SPIN1: variants seen among roughly 807,000 people sequenced by gnomAD.
The protein encoded by SPIN1 is spindlin-1.
In SPIN1, 3 loss-of-function variants were observed where a neutral mutation model predicts 26.0. The ratio of observed to expected loss-of-function variants is 0.12; its 90% confidence interval spans 0.05 to 0.30. The LOEUF is 0.30. SPIN1 is among the 10% of genes least tolerant of loss of function. The pLI is 1.00. For synonymous variants in SPIN1, 101 were observed against 116.5 expected (o/e 0.87, Z 0.86); for missense variants, 126 against 333.4 (o/e 0.38, Z 4.84).
rs1828922082 is a variant in SPIN1 at position 88,478,250 on chromosome 9, T to G, written c.*2973T>G. 6.5e-6 allele frequency: 1 copy of G among 152,690 alleles called. No homozygotes were observed. The highest frequency in any genetic ancestry group is 1.5e-5 in the Non-Finnish European group (1 of 68,046). The allele number at this position is 152,690 out of a possible 1,614,324, so 9.5% of individuals were successfully genotyped here. A position where few individuals can be genotyped will look rare whatever the true frequency, so the allele number is the denominator to read the frequency against. The stretch of plus-strand genomic sequence containing the variant: ...GCATTGGGCTTCAATCTCTGAACAC[T>G]GTAGACCCATTAGAAGACTGTTCCG... On this transcript the variant is annotated 3_prime_UTR_variant, in exon 6 of 6. Coordinates refer to ENST00000375859, the MANE Select transcript of SPIN1 (RefSeq NM_006717.3).
At chr9:88,396,989 G>A (rs1827078746) in intron 1 of SPIN1, among the ~76,000 whole-genome samples, 2 of 152,054 alleles carry the variant, frequency 1.3e-5, no homozygotes. Flanking sequence ...GTAGGGCACT[G>A]AACCATGAAT....
chr9:88,425,681 A>T (rs1827750676), intron 1 of SPIN1, among the ~76,000 whole-genome samples: 1 of 152,036 alleles, frequency 6.6e-6, no homozygotes, highest in South Asian at 2.1e-4. Flanking sequence ...CTCAAAAAAA[A>T]AAAAAAAAGA....
intron 3 of SPIN1, among the ~76,000 whole-genome samples, chr9:88,458,949 A>G (rs1211869516): frequency 6.6e-6 from 1 of 152,224 alleles, no homozygotes; most frequent in African/African-American, 2.4e-5. Context: ...CAGCTAAAAA[A>G]TGCTTTCACA....
chr9:88,437,705 A>G (rs183064623), intron 2 of SPIN1, among the ~76,000 whole-genome samples: 2 of 152,204 alleles, frequency 1.3e-5, no homozygotes, highest in East Asian at 1.9e-4. Context: ...TCCACAAGCA[A>G]CTAGCTTTTG....
At chr9:88,468,842 A>G (rs1287727119) in intron 5 of SPIN1, among the ~76,000 whole-genome samples, 3 of 152,194 alleles carry the variant, frequency 2.0e-5, no homozygotes, top group Non-Finnish European at 2.9e-5. Flanking sequence ...TTGTTTTATA[A>G]TTATTAACAC....
chr9:88,397,570 A>G (rs973093730), intron 1 of SPIN1, among the ~76,000 whole-genome samples: 2 of 151,654 alleles, frequency 1.3e-5, no homozygotes, highest in Admixed American at 6.6e-5. Flanking sequence ...CATAAGATAA[A>G]GAGATTGGAC....
At chr9:88,440,048 A>G (rs551350971) in intron 2 of SPIN1, among the ~76,000 whole-genome samples, 29 of 151,452 alleles carry the variant, frequency 1.9e-4, no homozygotes, top group Middle Eastern at 6.8e-3. Flanking sequence ...TCTTTTTTCC[A>G]GTTTTTGCTT....
At chr9:88,432,518 T>C (rs1185130910) in intron 2 of SPIN1, among the ~76,000 whole-genome samples, 1 of 150,722 alleles carries the variant, frequency 6.6e-6, no homozygotes, top group Non-Finnish European at 1.5e-5. Context: ...AGAGTCTTGC[T>C]CTGTCACCCA....
At chr9:88,457,118 G>A (rs1828487853) in intron 3 of SPIN1, among the ~76,000 whole-genome samples, 1 of 152,170 alleles carries the variant, frequency 6.6e-6, no homozygotes, top group East Asian at 1.9e-4. Flanking sequence ...AAAGCGGGTG[G>A]AGGAGGAGAA....
intron 2 of SPIN1, among the ~76,000 whole-genome samples, chr9:88,436,748 CTG>C (rs1324884995): frequency 2.1e-5 from 3 of 140,262 alleles, no homozygotes; most frequent in Non-Finnish European, 4.6e-5. Flanking sequence ...TAAATTTCCT[CTG>C]TGTCTTTTTT....
intron 4 of SPIN1, among the ~76,000 whole-genome samples, chr9:88,467,067 T>G (rs1489401793): frequency 6.6e-6 from 1 of 151,986 alleles, no homozygotes; most frequent in Non-Finnish European, 1.5e-5. Context: ...TTGTTTGTTT[T>G]TTAAAGATAA....
intron 2 of SPIN1, among the ~76,000 whole-genome samples, chr9:88,436,930 A>AT (rs1217306513): frequency 1.1e-4 from 16 of 150,592 alleles, no homozygotes; most frequent in South Asian, 6.4e-4. Context: ...ACGCCCGGCT[A>AT]TTTTTTTTGT....
At chr9:88,437,391 G>T (rs576457507) in intron 2 of SPIN1, among the ~76,000 whole-genome samples, 1 of 151,950 alleles carries the variant, frequency 6.6e-6, no homozygotes, top group Admixed American at 6.6e-5. Flanking sequence ...CTAGCCACTC[G>T]GGAGGTTGAG....
chr9:88,472,848 A>G (rs1459255948), intron 5 of SPIN1, among the ~76,000 whole-genome samples: 1 of 152,216 alleles, frequency 6.6e-6, no homozygotes, highest in Non-Finnish European at 1.5e-5. Context: ...GCCATTGTGC[A>G]TATGAATTGA....
intron 2 of SPIN1, among the ~76,000 whole-genome samples, chr9:88,429,978 G>T (rs1564030311): frequency 6.6e-6 from 1 of 152,164 alleles, no homozygotes; most frequent in African/African-American, 2.4e-5. Flanking sequence ...CAGAAGTATA[G>T]CCTATTTTGG....
intron 1 of SPIN1, among the ~76,000 whole-genome samples, chr9:88,419,601 C>T (rs1827634362): frequency 6.6e-6 from 1 of 152,142 alleles, no homozygotes; most frequent in South Asian, 2.1e-4. Flanking sequence ...TAAAGATGGA[C>T]TTAGCAAAGG....
At chr9:88,466,165 A>AT (rs1243741899) in intron 4 of SPIN1, among the ~76,000 whole-genome samples, 20 of 149,230 alleles carry the variant, frequency 1.3e-4, no homozygotes, top group Middle Eastern at 3.4e-3. Context: ...TTATGTTTTA[A>AT]TTTTTTTTTT....
chr9:88,410,022 A>G (rs770876162), intron 1 of SPIN1, among the ~76,000 whole-genome samples: 1 of 152,152 alleles, frequency 6.6e-6, no homozygotes, highest in South Asian at 2.1e-4. Flanking sequence ...CAAGCTGTCA[A>G]GTTCTCAGCT....
At position 88,477,055 on chromosome 9, in the gene SPIN1, G is replaced by A. The variant is rs1030087672; in HGVS notation, c.*1778G>A. On this transcript the variant is annotated 3_prime_UTR_variant, in exon 6 of 6. Coordinates refer to ENST00000375859, the MANE Select transcript of SPIN1 (RefSeq NM_006717.3). ...CACAGCTGCAGTCGCTCTGTCCCTC[G>A]TGCTTCACTGTGGGCAGCCAGGGAC... is the stretch of plus-strand genomic sequence containing the variant. 1 of 152,152 alleles carries A rather than the reference G, an allele frequency of 6.6e-6. No homozygotes were observed. The highest frequency in any genetic ancestry group is 2.4e-5 in the African/African-American group (1 of 41,436). The allele number at this position is 152,152 out of a possible 1,614,324, so 9.4% of individuals were successfully genotyped here. A position where few individuals can be genotyped will look rare whatever the true frequency, so the allele number is the denominator to read the frequency against.
Sources: gnomAD v4.1 joint callset for allele counts (sites outside exome capture counted in the v4.1 genomes callset) on GRCh38, gnomAD v4.1.1 for gene constraint, MANE v1.5 for transcripts, NCBI Gene and HGNC (gene_info 2026-07-23, HGNC 2026-07-21) for gene names.